Variants in PRKG1 observed in about 807,000 individuals in gnomAD.
The protein encoded by PRKG1 is protein kinase cGMP-dependent 1.
Under a neutral mutation model 88.1 loss-of-function variants are expected in PRKG1, and 35 were observed. The observed-to-expected ratio is 0.40, with a 90% CI of 0.30 to 0.53. The LOEUF (loss-of-function observed/expected upper bound fraction) is 0.53. PRKG1 is among the 20% of genes least tolerant of loss of function. The pLI, the probability that PRKG1 is intolerant of heterozygous loss-of-function variation, is 0.59. For missense variants in PRKG1, 540 were observed against 839.8 expected (o/e 0.64, Z 4.41); for synonymous variants, 303 against 292.5 (o/e 1.04, Z -0.37).
At chr10:51,671,800 A>G (rs945186400) in intron 3 of PRKG1, among the ~76,000 whole-genome samples, 4 of 152,052 alleles carry the variant, frequency 2.6e-5, no homozygotes, top group Non-Finnish European at 5.9e-5. Context: ...GTTAGCCAGG[A>G]TGGTCTTGAT....
intron 2 of PRKG1, among the ~76,000 whole-genome samples, chr10:51,260,910 C>G (rs1418751668): frequency 1.3e-5 from 2 of 152,164 alleles, no homozygotes; most frequent in Non-Finnish European, 2.9e-5. Flanking sequence ...GACAAGTACA[C>G]TATATGTCTG....
At chr10:51,475,873 T>TA (rs1171157937) in intron 3 of PRKG1, among the ~76,000 whole-genome samples, 1 of 152,046 alleles carries the variant, frequency 6.6e-6, no homozygotes. Flanking sequence ...TTTCGTTTGA[T>TA]TTTTTGTTGT....
At chr10:51,251,046 T>A (rs536993206) in intron 2 of PRKG1, among the ~76,000 whole-genome samples, 1 of 151,960 alleles carries the variant, frequency 6.6e-6, no homozygotes, top group East Asian at 1.9e-4. Flanking sequence ...TTTATTGTGA[T>A]ATTATGTCTT....
chr10:52,250,394 A>G (rs1489927708), intron 9 of PRKG1, among the ~76,000 whole-genome samples: 1 of 152,240 alleles, frequency 6.6e-6, no homozygotes, highest in African/African-American at 2.4e-5. Context: ...TTACCTAGAA[A>G]GCTGTTTCAC....
intron 2 of PRKG1, among the ~76,000 whole-genome samples, chr10:51,157,804 ATT>A (rs568598132): frequency 1.3e-5 from 2 of 148,400 alleles, no homozygotes; most frequent in Admixed American, 1.3e-4. Flanking sequence ...GAAATCATCA[ATT>A]TTTTTTTTGC....
chr10:52,077,565 C>T (rs1589585393), intron 7 of PRKG1, among the ~76,000 whole-genome samples: 4 of 151,986 alleles, frequency 2.6e-5, no homozygotes, highest in African/African-American at 4.8e-5. Flanking sequence ...CAAAAGTTTT[C>T]GAGTTGTACA....
At chr10:51,176,498 G>C (rs1046453155) in intron 2 of PRKG1, among the ~76,000 whole-genome samples, 3 of 152,138 alleles carry the variant, frequency 2.0e-5, no homozygotes, top group African/African-American at 7.2e-5. Context: ...GATAATAAAT[G>C]TACCTAGTAC....
chr10:51,016,668 C>CTTTTTTTTTTTTT (rs1287045930), intron 1 of PRKG1, among the ~76,000 whole-genome samples: 1 of 26,296 alleles, frequency 3.8e-5, no homozygotes, highest in Non-Finnish European at 7.4e-5. Context: ...GTATTATTAT[C>CTTTTTTTTTTTTT]CTTTCTTTTT....
intron 2 of PRKG1, among the ~76,000 whole-genome samples, chr10:51,401,330 A>G (rs1273197493): frequency 2.0e-5 from 3 of 152,198 alleles, no homozygotes; most frequent in Non-Finnish European, 1.5e-5. Flanking sequence ...AGTGACTACC[A>G]TTTGGAAAGA....
At chr10:51,615,235 A>G (rs887781082) in intron 3 of PRKG1, among the ~76,000 whole-genome samples, 15 of 151,930 alleles carry the variant, frequency 9.9e-5, no homozygotes, top group African/African-American at 2.4e-5. Flanking sequence ...TTGATGCTTT[A>G]CTCTTGCATC....
chr10:51,978,227 C>T (rs984265803), intron 5 of PRKG1, among the ~76,000 whole-genome samples: 3 of 151,896 alleles, frequency 2.0e-5, no homozygotes, highest in African/African-American at 7.3e-5. Context: ...GTCCTTATCC[C>T]ATTGCTTGTT....
intron 3 of PRKG1, among the ~76,000 whole-genome samples, chr10:51,640,527 C>A (rs1303417407): frequency 6.6e-6 from 1 of 152,082 alleles, no homozygotes; most frequent in East Asian, 1.9e-4. Flanking sequence ...AAAGGATTGA[C>A]CAACACTAAC....
intron 2 of PRKG1, among the ~76,000 whole-genome samples, chr10:51,284,671 CA>C (rs1840387405): frequency 6.6e-6 from 1 of 152,074 alleles, no homozygotes; most frequent in Admixed American, 6.6e-5. Flanking sequence ...AGCAAAAATA[CA>C]AATCAATATC....
intron 2 of PRKG1, among the ~76,000 whole-genome samples, chr10:51,244,232 T>G (rs751620749): frequency 3.3e-5 from 5 of 152,140 alleles, no homozygotes; most frequent in African/African-American, 4.8e-5. Context: ...TGATTAGATT[T>G]TCATTTATTT....
intron 4 of PRKG1, among the ~76,000 whole-genome samples, chr10:51,893,792 T>A (rs1476520251): frequency 2.0e-5 from 3 of 152,192 alleles, no homozygotes; most frequent in Admixed American, 1.3e-4. Flanking sequence ...AGGAAGCTTC[T>A]CGGCTTTAAG....
chr10:51,713,771 A>C lies in PRKG1; in HGVS notation c.593-90814A>C, dbSNP rs1002023336. ...AACATGATGCACACCTCAGGCTTCC[A>C]TAAGTTTATGTAATGCAAGTGATTG... On this transcript the variant is annotated intron_variant, in intron 3 of 17. Coordinates refer to ENST00000373980, the MANE Select transcript of PRKG1 (RefSeq NM_006258.4). 1.5e-4 allele frequency among the ~76,000 whole-genome samples: 23 copies of C among 152,220 alleles called. 1 individual carries two copies. The highest frequency in any genetic ancestry group is 3.4e-4 in the Non-Finnish European group (23 of 68,052).
At chr10:51,207,935 C>T (rs1009895739) in intron 2 of PRKG1, among the ~76,000 whole-genome samples, 2 of 152,150 alleles carry the variant, frequency 1.3e-5, no homozygotes, top group African/African-American at 4.8e-5. Context: ...TGAGTCCTCT[C>T]TTCAAAGGTA....
intron 8 of PRKG1, among the ~76,000 whole-genome samples, chr10:52,139,939 T>C (rs1837530668): frequency 6.6e-6 from 1 of 152,190 alleles, no homozygotes; most frequent in African/African-American, 2.4e-5. Context: ...GCTACTCAAC[T>C]CTGTCTTTGC....
At chr10:51,568,052 C>A (rs922050784) in intron 3 of PRKG1, among the ~76,000 whole-genome samples, 1 of 151,946 alleles carries the variant, frequency 6.6e-6, no homozygotes, top group African/African-American at 2.4e-5. Flanking sequence ...GGCTGCTAAT[C>A]TGGAAAGAGA....
Sources: gnomAD v4.1 joint callset for allele counts (sites outside exome capture counted in the v4.1 genomes callset) on GRCh38, gnomAD v4.1.1 for gene constraint, MANE v1.5 for transcripts, NCBI Gene and HGNC (gene_info 2026-07-23, HGNC 2026-07-21) for gene names.